RIMS2: variants seen among roughly 807,000 people sequenced by gnomAD.
RIMS2 encodes the protein regulating synaptic membrane exocytosis protein 2.
Under a neutral mutation model 174.4 loss-of-function variants are expected in RIMS2, and 59 were observed. That is an observed-to-expected ratio of 0.34 (90% CI 0.27 to 0.42). The LOEUF is 0.42. Among genes scored for constraint, RIMS2 ranks in the 10% least tolerant of loss-of-function variants. The pLI is 1.00. For missense variants in RIMS2, 1,620 were observed against 1,666.3 expected (o/e 0.97, Z 0.48); for synonymous variants, 606 against 572.5 (o/e 1.06, Z -0.84).
intron 20 of RIMS2, among the ~76,000 whole-genome samples, chr8:104,248,137 T>C (rs957961731): frequency 6.6e-6 from 1 of 152,056 alleles, no homozygotes; most frequent in Non-Finnish European, 1.5e-5. Context: ...ATGATTAGAC[T>C]TTCAAGAGAG....
At chr8:103,658,671 A>G (rs960223747) in intron 1 of RIMS2, among the ~76,000 whole-genome samples, 6 of 152,216 alleles carry the variant, frequency 3.9e-5, no homozygotes, top group African/African-American at 1.4e-4. Context: ...TCAAGGGTCA[A>G]CGTTTTGGAG....
At chr8:104,201,017 A>T (rs1311858215) in intron 19 of RIMS2, among the ~76,000 whole-genome samples, 1 of 152,180 alleles carries the variant, frequency 6.6e-6, no homozygotes, top group Non-Finnish European at 1.5e-5. Context: ...GTACACGTGT[A>T]GGTTTGTTAC....
intron 2 of RIMS2, among the ~76,000 whole-genome samples, chr8:103,736,328 G>T (rs1043414169): frequency 2.0e-5 from 3 of 152,160 alleles, no homozygotes; most frequent in African/African-American, 7.2e-5. Flanking sequence ...TGACATCAAA[G>T]TCCCATGGGG....
At chr8:104,070,157 A>G (rs962487514) in intron 19 of RIMS2, among the ~76,000 whole-genome samples, 5 of 152,224 alleles carry the variant, frequency 3.3e-5, no homozygotes, top group Non-Finnish European at 4.4e-5. Context: ...GTACATATGT[A>G]CCAGTTTCTA....
intron 19 of RIMS2, 43 bp from the exon 26 acceptor site, chr8:104,244,872 TA>T: frequency 1.3e-6 from 2 of 1,542,076 alleles, no homozygotes; most frequent in Non-Finnish European, 1.8e-6. Flanking sequence ...TCTTACCACA[TA>T]GTGATTACAA....
At chr8:103,501,173 C>G in intron 1 of RIMS2, 111 bp downstream of exon 1, 1 of 773,856 alleles carries the variant, frequency 1.3e-6, no homozygotes, top group Non-Finnish European at 1.8e-6. Context: ...CCGCTGGCGG[C>G]GCCCAGGCCA....
At position 104,242,922 on chromosome 8, in the gene RIMS2, A is replaced by G. The variant is rs76485223; in HGVS notation, c.3335-1994A>G. Among the ~76,000 whole-genome samples, 21 of 152,298 alleles carry G rather than the reference A, an allele frequency of 1.4e-4. No homozygotes were observed. In the East Asian group the frequency reaches 2.5e-3, roughly 18 times the overall value. On this transcript the variant is annotated intron_variant, in intron 19 of 23. Coordinates refer to ENST00000504942, the Ensembl canonical transcript of RIMS2. Reference sequence around the variant, plus strand: ...TTTAACAATTAGAATAATTTATGGAACAATTATTTGGCTCATATGAGTATC... The same window carrying G: ...TTTAACAATTAGAATAATTTATGGAGCAATTATTTGGCTCATATGAGTATC...
At chr8:103,993,496 T>A (rs1295740607) in intron 17 of RIMS2, among the ~76,000 whole-genome samples, 1 of 152,206 alleles carries the variant, frequency 6.6e-6, no homozygotes, top group Non-Finnish European at 1.5e-5. Flanking sequence ...CTCGTACTCA[T>A]AACTATTTCA....
chr8:104,062,807 T>C (rs79034218), intron 19 of RIMS2, among the ~76,000 whole-genome samples: 3,283 of 152,252 alleles, frequency 0.022, 129 homozygotes, highest in African/African-American at 0.074. Context: ...TTTCTTTATC[T>C]TCTTTTGTGT....
intron 3 of RIMS2, among the ~76,000 whole-genome samples, chr8:103,798,654 G>A (rs965409840): frequency 2.6e-5 from 4 of 152,114 alleles, no homozygotes; most frequent in African/African-American, 9.7e-5. Context: ...AGGATATGGT[G>A]CTTTAGATCT....
Position 103,977,886 on chromosome 8 carries a change from C to G in RIMS2, c.2927+2380C>G, listed in dbSNP as rs1027995054. Reference sequence around the variant, plus strand: ...ATGCATAGGATGAGATTTGGGCAACCTGGAAACTCATCAAATCTTGTTCAA... The same window carrying G: ...ATGCATAGGATGAGATTTGGGCAACGTGGAAACTCATCAAATCTTGTTCAA... On this transcript the variant is annotated intron_variant, in intron 16 of 23. Coordinates refer to ENST00000504942, the Ensembl canonical transcript of RIMS2. Among the ~76,000 whole-genome samples the G allele has an allele frequency of 3.9e-5, 6 of 152,150 alleles. No homozygotes were observed. The South Asian group carries it at 6.2e-4, about 16-fold the overall frequency.
intron 1 of RIMS2, among the ~76,000 whole-genome samples, chr8:103,674,618 TCTTA>T (rs1025739608): frequency 6.6e-6 from 1 of 152,102 alleles, no homozygotes; most frequent in Admixed American, 6.5e-5. Context: ...TAAAAACATA[TCTTA>T]CTTTTCTTTA....
chr8:104,250,993 G>C (rs201825876), intron 22 of RIMS2, 31 bp from the exon 29 acceptor site: 1 of 1,598,786 alleles, frequency 6.3e-7, no homozygotes, highest in Non-Finnish European at 8.6e-7. Flanking sequence ...ATAGTTTATT[G>C]CTCATTCTCC....
Position 104,141,342 on chromosome 8 carries a change from A to G in RIMS2, c.3335-103574A>G, listed in dbSNP as rs531154026. ...TCAAGAGATAGTAAAGGTTCAATAT[A>G]TAGACAGACTAAAGAGTTTAAATAA... On this transcript the variant is annotated intron_variant, in intron 19 of 23. Transcript: ENST00000504942. Among the ~76,000 whole-genome samples the G allele has an allele frequency of 3.3e-5, 5 of 152,354 alleles. No individual in the cohort carries two copies. The South Asian group carries it at 1.0e-3, about 32-fold the overall frequency.
chr8:103,992,971 A>G (rs10112626), intron 17 of RIMS2, among the ~76,000 whole-genome samples: 101,774 of 152,026 alleles, frequency 0.67, 34,883 homozygotes, highest in African/African-American at 0.71. Context: ...AAAATTAGCC[A>G]GGCACGGTGG....
intron 2 of RIMS2, among the ~76,000 whole-genome samples, chr8:103,697,963 ACT>A (rs759529055): frequency 3.5e-5 from 5 of 142,312 alleles, no homozygotes; most frequent in Non-Finnish European, 7.8e-5. Flanking sequence ...GGCAACAGAG[ACT>A]CTGTCTCAAA....
intron 1 of RIMS2, among the ~76,000 whole-genome samples, chr8:103,564,304 G>C (rs2092042677): frequency 6.6e-6 from 1 of 152,166 alleles, no homozygotes; most frequent in Non-Finnish European, 1.5e-5. Context: ...TAGTCACTTT[G>C]GGAGACTATG....
chr8:103,702,230 T>A (rs1024833593), intron 2 of RIMS2, among the ~76,000 whole-genome samples: 2 of 152,218 alleles, frequency 1.3e-5, no homozygotes, highest in Non-Finnish European at 2.9e-5. Flanking sequence ...TTTGTTTGTA[T>A]TCTTTTGAGA....
chr8:104,136,974 A>G (rs1318665523), intron 19 of RIMS2, among the ~76,000 whole-genome samples: 1 of 152,342 alleles, frequency 6.6e-6, no homozygotes, highest in East Asian at 1.9e-4. Context: ...TTGTACTCAT[A>G]TATTAACAAT....
Sources: gnomAD v4.1 joint callset for allele counts (sites outside exome capture counted in the v4.1 genomes callset) on GRCh38, gnomAD v4.1.1 for gene constraint, MANE v1.5 for transcripts, NCBI Gene and HGNC (gene_info 2026-07-23, HGNC 2026-07-21) for gene names.